ERAP1: variants seen among roughly 807,000 people sequenced by gnomAD.
ERAP1 encodes the protein adipocyte-derived leucine aminopeptidase.
In ERAP1, 86 loss-of-function variants were observed where a neutral mutation model predicts 103.7. The observed-to-expected ratio is 0.83, with a 90% CI of 0.70 to 0.99. ERAP1 has a LOEUF of 0.99. ERAP1 is among the 50% of genes least tolerant of loss of function. The pLI is 0.00. For missense variants in ERAP1, 1,009 were observed against 1,128.4 expected (o/e 0.89, Z 1.52); for synonymous variants, 398 against 402.4 (o/e 0.99, Z 0.13).
At chr5:96,786,631 A>T in intron 11 of ERAP1, 82 bp from the exon 12 acceptor site, 1 of 923,800 alleles carries the variant, frequency 1.1e-6, no homozygotes, top group Admixed American at 1.8e-5. Context: ...TGTGCCAGGC[A>T]CTGGTTAGTT....
At position 96,788,540 on chromosome 5, in the gene ERAP1, G is replaced by A. The variant is rs182529691; in HGVS notation, c.1670C>T (p.Pro557Leu). 7.4e-6 allele frequency: 12 copies of A among 1,614,136 alleles called. No individual in the cohort carries two copies. In the East Asian group the frequency reaches 8.9e-5, roughly 12 times the overall value. The change falls in exon 11 of 19, where the codon CCG (proline) becomes CTG (leucine). Residue 557 changes from proline to leucine, a missense_variant. This residue lies in a region of ERAP1 where 611 missense variants were observed against 651.7 expected (regional missense o/e 0.94). Transcript: ENST00000443439. ...ACTCTAGGAGCATTACCCAGTGTCC[G>A]GGGCGCCGTCAGAGCCCTTCATGTA... ...EHYMKGSDGA[P>L]DTGYLWHVPL...
chr5:96,781,807 C>A lies in ERAP1; in HGVS notation c.2333G>T (p.Ser778Ile), dbSNP rs780752707. The A allele has an allele frequency of 6.2e-7, 1 of 1,614,094 alleles. No individual in the cohort carries two copies. The highest frequency in any genetic ancestry group is 2.2e-5 in the East Asian group (1 of 44,878). The change falls in exon 16 of 19, where the codon AGC becomes ATC. Residue 778 changes from serine (S) to isoleucine (I), a missense_variant. Physicochemically the swap from Ser to Ile is moderately radical, Grantham distance 142. Coordinates refer to ENST00000443439, the MANE Select transcript of ERAP1 (RefSeq NM_001040458.3). ...TLAVFAVGAQ[S>I]TEGWDFLYSK... ...ATAAAGAAAATCCCAGCCTTCTGTGCTCTGGGCCCCCACAGCAAACACTGC... is the reference window on the plus strand; with the variant it reads ...ATAAAGAAAATCCCAGCCTTCTGTGATCTGGGCCCCCACAGCAAACACTGC...
At chr5:96,793,628 G>T in intron 6 of ERAP1, 115 bp from the exon 7 acceptor site, 1 of 1,093,420 alleles carries the variant, frequency 9.1e-7, no homozygotes, top group Non-Finnish European at 1.3e-6. Context: ...TTTAATCAAG[G>T]TAAAAATAAA....
At chr5:96,823,699 A>G in the ERAP1 span, among the ~76,000 whole-genome samples, 2 of 152,240 alleles carry the variant, frequency 1.3e-5, no homozygotes, top group African/African-American at 4.8e-5. Context: ...TACACTATGC[A>G]TGAATTTCTT....
chr5:96,785,798 G>A lies in ERAP1; in HGVS notation c.1933C>T (p.Gln645Ter), dbSNP rs139359454. 9 of 1,614,128 alleles carry A rather than the reference G, an allele frequency of 5.6e-6. No homozygotes were observed. In the African/African-American group the frequency reaches 6.7e-5, roughly 12 times the overall value. Reference protein sequence around the residue: ...DRASLINNAFQLVSIGKLSIE... With the variant: ...DRASLINNAF ...TGCAGCGTGTATTACCTGACGAGCT[G>A]AAATGCATTGTTAATGAGACTCGCC... The change falls in exon 13 of 19, where the codon CAG becomes TAG. Residue 645 changes from glutamine (Q) to a stop codon, truncating the protein, a stop_gained. Transcript: ENST00000443439. LOFTEE classifies it high-confidence loss of function.
the ERAP1 span, chr5:96,912,664 G>A: frequency 6.2e-7 from 1 of 1,610,576 alleles, no homozygotes; most frequent in Admixed American, 1.7e-5. Flanking sequence ...TAAAGATTGT[G>A]TATTCTGTGG....
chr5:96,803,671 C>T lies in ERAP1; in HGVS notation c.256G>A (p.Ala86Thr). 1.2e-6 allele frequency: 2 copies of T among 1,614,216 alleles called. No homozygotes were observed. Among genetic ancestry groups the T allele is most frequent in the Non-Finnish European group, 1.7e-6 (2 of 1,180,038 alleles). The stretch of plus-strand genomic sequence containing the variant: ...ATGATGGTGCTGGTGGGCTGACTGG[C>T]TGTGATTTCTACTTTCGTGGTTCCC... ...FWGTTKVEIT[A>T]SQPTSTIILH... The change falls in exon 2 of 19, where the codon GCC (alanine) becomes ACC (threonine). Residue 86 changes from alanine to threonine, a missense_variant. By Grantham distance (58) the Ala-to-Thr change is moderately conservative. This residue lies in a region of ERAP1 where 392 missense variants were observed against 455.2 expected (regional missense o/e 0.86). Transcript: ENST00000443439.
chr5:96,830,436 A>C, the ERAP1 span, among the ~76,000 whole-genome samples: 1 of 152,232 alleles, frequency 6.6e-6, no homozygotes, highest in Non-Finnish European at 1.5e-5. Flanking sequence ...AACGTGAGCA[A>C]GGATGCTCAT....
intron 3 of ERAP1, among the ~76,000 whole-genome samples, chr5:96,799,965 A>G (rs1258529852): frequency 6.6e-6 from 1 of 152,114 alleles, no homozygotes; most frequent in African/African-American, 2.4e-5. Context: ...GAAGCACCAC[A>G]CTAGAGGTTG....
chr5:96,763,330 C>A (rs781432982), intron 19 of ERAP1: 31 of 766,660 alleles, frequency 4.0e-5, no homozygotes, highest in Non-Finnish European at 6.6e-5. Context: ...CACTTAAAAC[C>A]AGTAAAATGC....
At chr5:96,828,223 C>A in the ERAP1 span, among the ~76,000 whole-genome samples, 1 of 152,248 alleles carries the variant, frequency 6.6e-6, no homozygotes, top group Admixed American at 6.5e-5. Context: ...GGGTAAGCCT[C>A]TAATTTATCG....
At chr5:96,766,497 G>A (rs1194078702) in intron 19 of ERAP1, among the ~76,000 whole-genome samples, 3 of 152,224 alleles carry the variant, frequency 2.0e-5, no homozygotes, top group Non-Finnish European at 4.4e-5. Context: ...AAGGAGAGCA[G>A]AAAAGGAGCT....
At chr5:96,906,774 G>A in the ERAP1 span, among the ~76,000 whole-genome samples, 1 of 152,220 alleles carries the variant, frequency 6.6e-6, no homozygotes, top group Non-Finnish European at 1.5e-5. Flanking sequence ...GCTCACGCCT[G>A]TAATCCCAGT....
chr5:96,877,116 G>A, the ERAP1 span, among the ~76,000 whole-genome samples: 3 of 151,982 alleles, frequency 2.0e-5, no homozygotes, highest in African/African-American at 4.8e-5. Flanking sequence ...CTAGGACTAC[G>A]GGCATGTGCC....
At chr5:96,854,411 C>T in the ERAP1 span, among the ~76,000 whole-genome samples, 1 of 151,996 alleles carries the variant, frequency 6.6e-6, no homozygotes, top group Non-Finnish European at 1.5e-5. Flanking sequence ...CAGGTCTATG[C>T]ACTCAAATCA....
upstream of ERAP1, among the ~76,000 whole-genome samples, chr5:96,811,216 C>T (rs889213397): frequency 6.6e-6 from 1 of 152,106 alleles, no homozygotes; most frequent in African/African-American, 2.4e-5. Context: ...AAAGCAATAC[C>T]ATCTTATTAA....
chr5:96,898,302 A>G, the ERAP1 span, among the ~76,000 whole-genome samples: 2 of 152,144 alleles, frequency 1.3e-5, no homozygotes, highest in African/African-American at 2.4e-5. Context: ...GTGCCCTTAT[A>G]AAGCACACTT....
chr5:96,803,065 A>C (rs979800658), intron 2 of ERAP1, among the ~76,000 whole-genome samples: 16 of 152,138 alleles, frequency 1.1e-4, no homozygotes, highest in African/African-American at 3.4e-4. Flanking sequence ...GTTTATAGCT[A>C]CCCAGTCTGT....
At chr5:96,814,334 G>T in the ERAP1 span, 1 of 456,248 alleles carries the variant, frequency 2.2e-6, no homozygotes, top group Non-Finnish European at 4.4e-6. Flanking sequence ...AATTATGCAA[G>T]AGAATGAATA....
Sources: gnomAD v4.1 joint callset for allele counts (sites outside exome capture counted in the v4.1 genomes callset) on GRCh38, gnomAD v4.1.1 for gene constraint, gnomAD v4.1.1 regional missense constraint, MANE v1.5 for transcripts, NCBI Gene and HGNC (gene_info 2026-07-23, HGNC 2026-07-21) for gene names.